The following CDKL2 variants were observed in gnomAD, a reference collection of about 807,000 sequenced individuals.
CDKL2 encodes cyclin dependent kinase like 2, also known as cyclin-dependent kinase-like 2.
In CDKL2, 64 loss-of-function variants were observed where a neutral mutation model predicts 63.9. The observed-to-expected ratio is 1.00, with a 90% CI of 0.82 to 1.23. The LOEUF is 1.23. Ranked by LOEUF, CDKL2 falls within the 50% of genes most tolerant of loss-of-function variation. CDKL2 has a pLI of 0.00. For missense variants in CDKL2, 656 were observed against 668.0 expected, an observed-to-expected ratio of 0.98 and a Z score of 0.20; for synonymous variants, 211 against 229.2, an observed-to-expected ratio of 0.92 and a Z score of 0.72.
Position 75,607,176 on chromosome 4 carries a change from G to A in CDKL2, c.542+7C>T, listed in dbSNP as rs1411899732. ...AAATCTACTCCTCCCCATTACTGATGTCTTACTTGCCATACTTGACATCAC... is the reference window on the plus strand; with the variant it reads ...AAATCTACTCCTCCCCATTACTGATATCTTACTTGCCATACTTGACATCAC... On this transcript the variant is annotated splice_region_variant and intron_variant, in intron 4 of 13. Transcript: ENST00000307465. The A allele has an allele frequency of 6.2e-7, 1 of 1,600,900 alleles. No individual in the cohort carries two copies. The highest frequency in any genetic ancestry group is 8.5e-7 in the Non-Finnish European group (1 of 1,171,582).
intron 2 of CDKL2, among the ~76,000 whole-genome samples, chr4:75,624,782 C>T (rs1338130186): frequency 2.6e-5 from 4 of 151,928 alleles, no homozygotes; most frequent in African/African-American, 7.3e-5. Context: ...CACTTGAACC[C>T]GGGAGGAGGA....
At chr4:75,591,175 A>C (rs1459121111) in intron 12 of CDKL2, among the ~76,000 whole-genome samples, 2 of 152,218 alleles carry the variant, frequency 1.3e-5, no homozygotes, top group Non-Finnish European at 2.9e-5. Flanking sequence ...CTCCCTTTGA[A>C]AGGTAGGTTG....
At chr4:75,595,786 G>C (rs1349808583) in intron 10 of CDKL2, among the ~76,000 whole-genome samples, 2 of 151,994 alleles carry the variant, frequency 1.3e-5, no homozygotes, top group Non-Finnish European at 2.9e-5. Flanking sequence ...AAAATTAGCT[G>C]GGTGCGGTGG....
At chr4:75,589,982 CAAA>C (rs769808423) in intron 12 of CDKL2, among the ~76,000 whole-genome samples, 8 of 99,674 alleles carry the variant, frequency 8.0e-5, no homozygotes, top group South Asian at 3.5e-4. Flanking sequence ...ACCATGTGTC[CAAA>C]AAAAAAAAAA....
chr4:75,580,560 A>G (rs539902083), intron 13 of CDKL2, among the ~76,000 whole-genome samples: 2 of 151,536 alleles, frequency 1.3e-5, no homozygotes, highest in African/African-American at 4.8e-5. Flanking sequence ...CCAGCTACTC[A>G]GGAGGCTGGG....
intron 12 of CDKL2, 34 bp from the exon 13 acceptor site, chr4:75,581,932 AG>A (rs1383196616): frequency 8.3e-6 from 12 of 1,446,922 alleles, no homozygotes; most frequent in Non-Finnish European, 1.1e-5. Context: ...ATAGGTTCTC[AG>A]TAATTGCAAA....
In CDKL2 at chr4:75,583,502, T is replaced by C. The variant is rs75702499; in HGVS notation, c.1648-1604A>G. Among the ~76,000 whole-genome samples, 98 of 152,354 alleles carry C rather than the reference T, an allele frequency of 6.4e-4. 1 individual carries two copies. The East Asian group carries it at 0.019, about 29-fold the overall frequency. On this transcript the variant is annotated intron_variant, in intron 12 of 13. Coordinates refer to ENST00000307465, the MANE Select transcript of CDKL2 (RefSeq NM_001330724.2). ...AAATCTTTCACGGAATCATAATTTCTGTAGAAATCTGCATATGTCTTCTTT... is the reference window on the plus strand; with the variant it reads ...AAATCTTTCACGGAATCATAATTTCCGTAGAAATCTGCATATGTCTTCTTT...
At position 75,596,429 on chromosome 4, in the gene CDKL2, C is replaced by T. The variant is rs939664317; in HGVS notation, c.1323-89G>A. The T allele has an allele frequency of 7.9e-6, 6 of 758,212 alleles. No individual in the cohort carries two copies. The Admixed American group carries it at 1.2e-4, about 15-fold the overall frequency. 47.0% of individuals were successfully genotyped at this position (758,212 alleles called of 1,614,324 possible). A position where few individuals can be genotyped will look rare whatever the true frequency, so the allele number is the denominator to read the frequency against. On this transcript the variant is annotated intron_variant, in intron 9 of 13. Coordinates refer to ENST00000307465, the MANE Select transcript of CDKL2 (RefSeq NM_001330724.2). ...AACTAAATGACACAGCACCAACTAACAAGCAGTTTAACCAGAGTGTAATGT... is the reference window on the plus strand; with the variant it reads ...AACTAAATGACACAGCACCAACTAATAAGCAGTTTAACCAGAGTGTAATGT...
intron 12 of CDKL2, among the ~76,000 whole-genome samples, chr4:75,582,572 C>T (rs770321543): frequency 6.6e-6 from 1 of 151,944 alleles, no homozygotes; most frequent in Non-Finnish European, 1.5e-5. Context: ...CCATACATAT[C>T]ATTAGACTCT....
At chr4:75,621,268 T>C (rs894152223) in intron 2 of CDKL2, among the ~76,000 whole-genome samples, 1 of 108,800 alleles carries the variant, frequency 9.2e-6, no homozygotes, top group Non-Finnish European at 1.8e-5. Context: ...CATTATTTGA[T>C]AGAAGCAAGA....
In CDKL2 at chr4:75,607,181, A is replaced by G. The variant is rs912070929; in HGVS notation, c.542+2T>C. The G allele has an allele frequency of 1.2e-6, 2 of 1,603,152 alleles. No individual in the cohort carries two copies. The highest frequency in any genetic ancestry group is 1.7e-6 in the Non-Finnish European group (2 of 1,173,048). ...TACTCCTCCCCATTACTGATGTCTTACTTGCCATACTTGACATCACCAACC... is the reference window on the plus strand; with the variant it reads ...TACTCCTCCCCATTACTGATGTCTTGCTTGCCATACTTGACATCACCAACC... On this transcript the variant is annotated splice_donor_variant, in intron 4 of 13. Transcript: ENST00000307465. LOFTEE classifies it high-confidence loss of function.
rs554073168 is a variant in CDKL2 at position 75,579,846 on chromosome 4, T to A, written c.*24-668A>T. The stretch of plus-strand genomic sequence containing the variant: ...ACTCAAATGAATGCATTGCAAAGAC[T>A]CTCCCACGGCCTTGAAAGGACCTGT... On this transcript the variant is annotated intron_variant, in intron 13 of 13. Transcript: ENST00000307465. 1.4e-4 allele frequency among the ~76,000 whole-genome samples: 22 copies of A among 152,318 alleles called. No homozygotes were observed. In the South Asian group the frequency reaches 4.6e-3, roughly 32 times the overall value.
intron 12 of CDKL2, among the ~76,000 whole-genome samples, chr4:75,586,797 A>C (rs1328748129): frequency 6.6e-6 from 1 of 152,204 alleles, no homozygotes; most frequent in Non-Finnish European, 1.5e-5. Flanking sequence ...ACATATCAAA[A>C]GCTGTGGGAT....
At chr4:75,619,640 C>T (rs1217366701) in intron 2 of CDKL2, among the ~76,000 whole-genome samples, 2 of 145,784 alleles carry the variant, frequency 1.4e-5, no homozygotes, top group Non-Finnish European at 3.0e-5. Context: ...CTTCCTCTTG[C>T]TAAGGACCGA....
chr4:75,612,235 A>T (rs1304560354), intron 3 of CDKL2, among the ~76,000 whole-genome samples: 3 of 152,174 alleles, frequency 2.0e-5, no homozygotes, highest in Middle Eastern at 6.3e-3. Flanking sequence ...GGCCCCACAA[A>T]GTGCTAGGAT....
chr4:75,587,201 C>A (rs1414091331), intron 12 of CDKL2, among the ~76,000 whole-genome samples: 7 of 151,628 alleles, frequency 4.6e-5, no homozygotes, highest in Admixed American at 3.3e-4. Flanking sequence ...CGCCTGTAAT[C>A]CCAGCACTTC....
chr4:75,629,294 C>T (rs948848751), intron 1 of CDKL2, among the ~76,000 whole-genome samples: 1 of 152,190 alleles, frequency 6.6e-6, no homozygotes, highest in African/African-American at 2.4e-5. Context: ...TGACTTTAAG[C>T]ATGTCTGAGG....
At chr4:75,595,848 G>A (rs1479349841) in intron 10 of CDKL2, among the ~76,000 whole-genome samples, 1 of 151,706 alleles carries the variant, frequency 6.6e-6, no homozygotes, top group Non-Finnish European at 1.5e-5. Context: ...AGAATCACTT[G>A]AACCCAGGAG....
intron 5 of CDKL2, 50 bp from the exon 6 acceptor site, chr4:75,604,006 A>T (rs1729318498): frequency 6.5e-7 from 1 of 1,539,972 alleles, no homozygotes; most frequent in African/African-American, 1.4e-5. Flanking sequence ...CATGATAGAA[A>T]TGGTGAAGAG....
Sources: allele counts gnomAD v4.1 joint callset (sites outside exome capture counted in the v4.1 genomes callset), GRCh38; gene constraint gnomAD v4.1.1; transcripts MANE v1.5; gene names NCBI Gene and HGNC (gene_info 2026-07-23, HGNC 2026-07-21).